RRBP1: variants seen among roughly 807,000 people sequenced by gnomAD.
RRBP1 encodes ribosome binding protein 1, also known as ribosome-binding protein 1.
Under a neutral mutation model 165.2 loss-of-function variants are expected in RRBP1, and 94 were observed. That is an observed-to-expected ratio of 0.57 (90% CI 0.48 to 0.68). The LOEUF is 0.68. Ranked by LOEUF, RRBP1 falls within the 30% of genes least tolerant of loss-of-function variation. The pLI is 0.00. For synonymous variants in RRBP1, 680 were observed against 714.5 expected, an observed-to-expected ratio of 0.95 and a Z score of 0.77; for missense variants, 1,676 against 1,763.0, an observed-to-expected ratio of 0.95 and a Z score of 0.88.
intron 2 of RRBP1, among the ~76,000 whole-genome samples, chr20:17,672,718 G>A (rs914533599): frequency 2.6e-5 from 4 of 152,084 alleles, no homozygotes; most frequent in South Asian, 2.1e-4. Flanking sequence ...AAAAGTCTGC[G>A]GCATTAATAG....
At chr20:17,656,893 A>T (rs1041064021) in intron 3 of RRBP1, among the ~76,000 whole-genome samples, 3 of 152,106 alleles carry the variant, frequency 2.0e-5, no homozygotes, top group African/African-American at 7.2e-5. Context: ...TTATCACCCC[A>T]CTCAAGCTGT....
rs115713635 is a variant in RRBP1, at chr20:17,614,705, C to T, written c.4194+32G>A. ...CCCCGGGGCTCCCGGCAGCTCGACT[C>T]CTCCCGCCCTGCTTTGGCGCCAGGC... On this transcript the variant is annotated intron_variant, in intron 24 of 24. Transcript: ENST00000377813. The T allele has an allele frequency of 1.7e-3, 2,659 of 1,606,948 alleles. 36 individuals are homozygous for T. The African/African-American group carries it at 0.03, about 18-fold the overall frequency.
At chr20:17,614,350 C>G in intron 24 of RRBP1, 130 bp from the exon 25 acceptor site, 1 of 828,404 alleles carries the variant, frequency 1.2e-6, no homozygotes, top group Non-Finnish European at 2.0e-6. Flanking sequence ...CCTCAGAGAA[C>G]AGGAGCCACA....
rs1387658861 is a variant in RRBP1, at chr20:17,613,998, T to C, written c.*184A>G. On this transcript the variant is annotated 3_prime_UTR_variant, in exon 25 of 25. Transcript: ENST00000377813. ...TTTATCAAATGTGACACAGGTTCAT[T>C]TACAAACTGGGGCTCTGGAAGGTCT... is the stretch of plus-strand genomic sequence containing the variant. 3.2e-6 allele frequency: 2 copies of C among 627,716 alleles called. No homozygotes were observed. The highest frequency in any genetic ancestry group is 2.0e-5 in the South Asian group (1 of 50,200). The allele number at this position is 627,716 out of a possible 1,614,324, so 38.9% of individuals were successfully genotyped here. A position where few individuals can be genotyped will look rare whatever the true frequency, so the allele number is the denominator to read the frequency against.
intron 4 of RRBP1, among the ~76,000 whole-genome samples, 195 bp from the exon 5 acceptor site, chr20:17,642,114 C>T (rs2122363060): frequency 6.6e-6 from 1 of 152,368 alleles, no homozygotes. Flanking sequence ...GGACCCCTGA[C>T]CCAGCGTGTG....
intron 3 of RRBP1, among the ~76,000 whole-genome samples, chr20:17,652,193 C>T (rs1271980609): frequency 6.6e-6 from 1 of 152,220 alleles, no homozygotes; most frequent in Non-Finnish European, 1.5e-5. Context: ...CTGTTTAGAG[C>T]ACTGCTGTGC....
intron 7 of RRBP1, among the ~76,000 whole-genome samples, chr20:17,634,085 A>G (rs1307628952): frequency 6.6e-6 from 1 of 152,226 alleles, no homozygotes; most frequent in East Asian, 1.9e-4. Context: ...CAGACCCTTC[A>G]GGACTGCACT....
At chr20:17,653,582 C>A (rs369167083) in intron 3 of RRBP1, among the ~76,000 whole-genome samples, 37 of 152,260 alleles carry the variant, frequency 2.4e-4, no homozygotes, top group African/African-American at 8.9e-4. Flanking sequence ...ACGCCTATAA[C>A]CCCAGCACTT....
intron 2 of RRBP1, among the ~76,000 whole-genome samples, chr20:17,664,684 A>G (rs78362430): frequency 0.016 from 2,449 of 152,324 alleles, 79 homozygotes; most frequent in African/African-American, 0.056. Flanking sequence ...GTTGGGTCCA[A>G]TTTGGCAGCT....
At chr20:17,677,590 A>G (rs985199873) in intron 2 of RRBP1, among the ~76,000 whole-genome samples, 34 of 152,338 alleles carry the variant, frequency 2.2e-4, no homozygotes, top group Non-Finnish European at 4.1e-4. Context: ...CTATAATCCT[A>G]GCACTTTGGG....
intron 3 of RRBP1, among the ~76,000 whole-genome samples, chr20:17,656,009 A>T (rs954167648): frequency 1.3e-5 from 2 of 152,184 alleles, no homozygotes; most frequent in Admixed American, 1.3e-4. Context: ...ATTCATCTGC[A>T]TAACAAAGTT....
At chr20:17,653,042 G>C (rs1486446698) in intron 3 of RRBP1, among the ~76,000 whole-genome samples, 1 of 152,186 alleles carries the variant, frequency 6.6e-6, no homozygotes. Context: ...GACAAGGTGG[G>C]AAATCACTGC....
intron 3 of RRBP1, among the ~76,000 whole-genome samples, chr20:17,649,584 C>T (rs915690805): frequency 3.1e-3 from 28 of 9,150 alleles, no homozygotes; most frequent in African/African-American, 0.027. Context: ...GGAGGACAGG[C>T]GTGGGTGGGT....
chr20:17,618,568 CT>C, intron 20 of RRBP1, 27 bp downstream of exon 20: 1 of 1,575,812 alleles, frequency 6.3e-7, no homozygotes, highest in Non-Finnish European at 8.7e-7. Flanking sequence ...GGTCACACTC[CT>C]GGCATGGGGA....
intron 2 of RRBP1, among the ~76,000 whole-genome samples, chr20:17,663,358 T>C (rs185794558): frequency 6.6e-6 from 1 of 152,244 alleles, no homozygotes; most frequent in Non-Finnish European, 1.5e-5. Flanking sequence ...ATATTCTCTG[T>C]TGGGACCCAG....
chr20:17,640,712 C>T (rs1270167586), intron 5 of RRBP1, among the ~76,000 whole-genome samples: 4 of 152,220 alleles, frequency 2.6e-5, no homozygotes, highest in African/African-American at 9.6e-5. Flanking sequence ...TCTACCACCC[C>T]AGCAGGGTGG....
chr20:17,668,186 G>A (rs2036905812), intron 2 of RRBP1, among the ~76,000 whole-genome samples: 1 of 152,122 alleles, frequency 6.6e-6, no homozygotes, highest in Non-Finnish European at 1.5e-5. Context: ...ACAGTTCTTC[G>A]AAAATGGCCT....
At chr20:17,663,741 A>G (rs145144204) in intron 2 of RRBP1, among the ~76,000 whole-genome samples, 224 of 152,316 alleles carry the variant, frequency 1.5e-3, no homozygotes, top group Middle Eastern at 6.8e-3. Flanking sequence ...CGGTTCTCAC[A>G]ATCAGCATTC....
intron 9 of RRBP1, among the ~76,000 whole-genome samples, chr20:17,628,402 C>T (rs1258026985): frequency 6.6e-6 from 1 of 152,234 alleles, no homozygotes; most frequent in Non-Finnish European, 1.5e-5. Context: ...GCCCTCTTCA[C>T]TAGCACCTCT....
Sources: allele counts gnomAD v4.1 joint callset (sites outside exome capture counted in the v4.1 genomes callset), GRCh38; gene constraint gnomAD v4.1.1; transcripts MANE v1.5; gene names NCBI Gene and HGNC (gene_info 2026-07-23, HGNC 2026-07-21).